Variants in SLC12A1 observed in about 807,000 individuals in gnomAD.
SLC12A1 encodes Na-K-2Cl cotransporter.
In SLC12A1, 89 loss-of-function variants were observed where a neutral mutation model predicts 130.4. The observed-to-expected ratio is 0.68, with a 90% CI of 0.58 to 0.81. The LOEUF is 0.81. SLC12A1 is among the 40% of genes least tolerant of loss of function. The pLI, the probability that SLC12A1 is intolerant of heterozygous loss-of-function variation, is 0.00. For missense variants in SLC12A1, 1,310 were observed against 1,336.4 expected, an observed-to-expected ratio of 0.98 and a Z score of 0.31; for synonymous variants, 499 against 460.0, an observed-to-expected ratio of 1.08 and a Z score of -1.09.
At chr15:48,245,829 G>C (rs141406599) in intron 11 of SLC12A1, among the ~76,000 whole-genome samples, 1 of 152,160 alleles carries the variant, frequency 6.6e-6, no homozygotes, top group Non-Finnish European at 1.5e-5. Flanking sequence ...TTTTAAGTTC[G>C]TTGAGAAATC....
At chr15:48,290,871 A>C (rs547227779) in intron 23 of SLC12A1, among the ~76,000 whole-genome samples, 1 of 152,282 alleles carries the variant, frequency 6.6e-6, no homozygotes, top group South Asian at 2.1e-4. Flanking sequence ...CCAATATTTT[A>C]TTGGGACAAT....
intron 15 of SLC12A1, among the ~76,000 whole-genome samples, chr15:48,255,585 A>G (rs2141070476): frequency 6.6e-6 from 1 of 152,344 alleles, no homozygotes; most frequent in East Asian, 1.9e-4. Flanking sequence ...GTACAGTCTG[A>G]TCCTTTGCTG....
At chr15:48,234,356 C>G (rs903685188) in intron 8 of SLC12A1, among the ~76,000 whole-genome samples, 9 of 152,158 alleles carry the variant, frequency 5.9e-5, no homozygotes, top group African/African-American at 1.9e-4. Context: ...TCATAGAGAT[C>G]TAAAACCTTA....
chr15:48,263,644 AG>A (rs2041799494), intron 17 of SLC12A1, among the ~76,000 whole-genome samples: 1 of 151,656 alleles, frequency 6.6e-6, no homozygotes, highest in Non-Finnish European at 1.5e-5. Flanking sequence ...GCCTAAAAAA[AG>A]AAAAAAAATT....
rs1471474490 is a variant in SLC12A1 at position 48,247,330 on chromosome 15, C to G, written c.1561-7C>G. On this transcript the variant is annotated splice_region_variant and splice_polypyrimidine_tract_variant and intron_variant, in intron 12 of 26. Transcript: ENST00000380993. ...AATGACAAATTTCTTCTCTTCTTTT[C>G]CATTAGGCTCTGTGCAAGGACAACA... 1.4e-5 allele frequency: 23 copies of G among 1,601,070 alleles called. No homozygotes were observed. Among genetic ancestry groups the G allele is most frequent in the Non-Finnish European group, 1.9e-5 (22 of 1,177,170 alleles).
chr15:48,234,206 T>C (rs1036313043), intron 8 of SLC12A1, among the ~76,000 whole-genome samples: 7 of 152,134 alleles, frequency 4.6e-5, no homozygotes, highest in Non-Finnish European at 7.4e-5. Flanking sequence ...TGTGTGTGAA[T>C]GTGTGTGGTG....
rs759295623 is a variant in SLC12A1, at chr15:48,247,032, C to T, written c.1560+16C>T. On this transcript the variant is annotated intron_variant, in intron 12 of 26. Transcript: ENST00000380993. ...AGTGTTCCAGGTAATACAAGCACAA[C>T]AGCTTGTGCTTCTCCCTATTGCTAT... 7.2e-6 allele frequency: 11 copies of T among 1,529,952 alleles called. No homozygotes were observed. The African/African-American group carries it at 9.5e-5, about 13-fold the overall frequency. 94.8% of individuals were successfully genotyped at this position (1,529,952 alleles called of 1,614,324 possible). A position where few individuals can be genotyped will look rare whatever the true frequency, so the allele number is the denominator to read the frequency against.
In SLC12A1 at chr15:48,207,672, T is replaced by C; in HGVS notation, c.-48T>C. The C allele has an allele frequency of 6.9e-7, 1 of 1,451,326 alleles. No homozygotes were observed. Among genetic ancestry groups the C allele is most frequent in the Non-Finnish European group, 9.1e-7 (1 of 1,093,978 alleles). The allele number at this position is 1,451,326 out of a possible 1,614,324, so 89.9% of individuals were successfully genotyped here. ...TTGATGAAGAAATATATAGATTTTT[T>C]AAAACAACCACAAAGTAGATAGCTC... is the stretch of plus-strand genomic sequence containing the variant. On this transcript the variant is annotated 5_prime_UTR_variant, in exon 2 of 27. Transcript: ENST00000380993.
chr15:48,228,956 G>T, intron 5 of SLC12A1: 1 of 378,196 alleles, frequency 2.6e-6, no homozygotes, highest in Non-Finnish European at 4.7e-6. Context: ...TTACATTTAT[G>T]TTTTAATAGA....
chr15:48,253,789 G>C (rs1270876806), intron 15 of SLC12A1, among the ~76,000 whole-genome samples: 1 of 152,198 alleles, frequency 6.6e-6, no homozygotes, highest in Non-Finnish European at 1.5e-5. Flanking sequence ...CCATGAATGA[G>C]AGTCCTAGAT....
At chr15:48,301,675 C>T (rs981030292) in intron 26 of SLC12A1, among the ~76,000 whole-genome samples, 3 of 152,000 alleles carry the variant, frequency 2.0e-5, no homozygotes, top group African/African-American at 7.2e-5. Flanking sequence ...GAATCTGAGA[C>T]CCTGGATTTC....
chr15:48,260,072 A>T (rs375191042), intron 17 of SLC12A1, among the ~76,000 whole-genome samples: 220 of 152,182 alleles, frequency 1.4e-3, no homozygotes, highest in African/African-American at 4.8e-3. Context: ...GTTCGAGACC[A>T]TGACGATCAT....
chr15:48,232,808 A>C lies in SLC12A1; in HGVS notation c.1057A>C (p.Lys353Gln). 6.2e-7 allele frequency: 1 copy of C among 1,611,788 alleles called. No individual in the cohort carries two copies. Among genetic ancestry groups the C allele is most frequent in the East Asian group, 2.2e-5 (1 of 44,876 alleles). The change falls in exon 8 of 27, where the codon AAA becomes CAA. Residue 353 changes from lysine (K) to glutamine (Q), a missense_variant. By Grantham distance (53) the Lys-to-Gln change is moderately conservative. Transcript: ENST00000380993. ...AACTGTCATTCCATCCAACAATGAG[A>C]AAAAGTCCAGAGGTTTCTTTAATTA... ...IGTVIPSNNE[K>Q]KSRGFFNYQA...
Position 48,220,645 on chromosome 15 carries a change from C to A in SLC12A1, c.432C>A (p.Val144=). ...TCTATAAAATGCAGAATGTGGCAGT[C>A]ACCCCAAGTTCAGCTGACAGAGTTG... ...IHEQLAKNVA[V]TPSSADRVAN... Residue 144 remains valine (V), a synonymous_variant, in exon 3 of 27, where the codon GTC becomes GTA. Coordinates refer to ENST00000380993, the MANE Select transcript of SLC12A1 (RefSeq NM_000338.3). 1 of 1,613,066 alleles carries A rather than the reference C, an allele frequency of 6.2e-7. No homozygotes were observed. The highest frequency in any genetic ancestry group is 1.1e-5 in the South Asian group (1 of 90,820).
chr15:48,303,634 A>G lies in SLC12A1; in HGVS notation c.*749A>G, dbSNP rs1039773148. ...ATGAAATATATTCTATTCTCAATAT[A>G]TAAACTTTAATTGTACTCCCTATCA... On this transcript the variant is annotated 3_prime_UTR_variant, in exon 27 of 27. Transcript: ENST00000380993. The G allele has an allele frequency of 6.6e-6, 1 of 152,246 alleles. No individual in the cohort carries two copies. Among genetic ancestry groups the G allele is most frequent in the Non-Finnish European group, 1.5e-5 (1 of 68,044 alleles). The allele number at this position is 152,246 out of a possible 1,614,324, so 9.4% of individuals were successfully genotyped here. A position where few individuals can be genotyped will look rare whatever the true frequency, so the allele number is the denominator to read the frequency against.
chr15:48,280,538 G>C (rs946905933), intron 20 of SLC12A1, among the ~76,000 whole-genome samples: 1 of 152,008 alleles, frequency 6.6e-6, no homozygotes, highest in Non-Finnish European at 1.5e-5. Flanking sequence ...TCCATATCTC[G>C]ATCTCTATCT....
Position 48,250,676 on chromosome 15 carries a change from T to TCACACA in SLC12A1, c.1787-913_1787-908dup, listed in dbSNP as rs56705329. On this transcript the variant is annotated intron_variant, in intron 14 of 26. Transcript: ENST00000380993. ...TACACAAACCCAGAAAATGTCTGCC[T>TCACACA]CACACACACACACACACACACACAC... Among the ~76,000 whole-genome samples the TCACACA allele has an allele frequency of 1.7e-3, 243 of 146,030 alleles. 2 individuals are homozygous for TCACACA. The highest frequency in any genetic ancestry group is 6.2e-3 in the African/African-American group (237 of 38,026).
intron 2 of SLC12A1, among the ~76,000 whole-genome samples, chr15:48,210,878 A>T (rs2041044884): frequency 6.6e-6 from 1 of 152,018 alleles, no homozygotes. Context: ...AAAAAAAGAA[A>T]CAGAAAGCCA....
rs1185409656 is a variant in SLC12A1 at position 48,226,486 on chromosome 15, T to C, written c.639T>C (p.Val213=). Residue 213 remains valine, a synonymous_variant, in exon 5 of 27, where the codon GTT becomes GTC. Coordinates refer to ENST00000380993, the MANE Select transcript of SLC12A1 (RefSeq NM_000338.3). ...IVGEAGIGLG[V]LIILLSTMVT... ...TTTCATTGCTAACAGGTCTTGGAGT[T>C]CTCATAATTCTTCTTTCCACCATGG... is the stretch of plus-strand genomic sequence containing the variant. The C allele has an allele frequency of 6.3e-7, 1 of 1,587,310 alleles. No homozygotes were observed. Among genetic ancestry groups the C allele is most frequent in the East Asian group, 2.3e-5 (1 of 44,390 alleles).
Sources: allele counts gnomAD v4.1 joint callset (sites outside exome capture counted in the v4.1 genomes callset), GRCh38; gene constraint gnomAD v4.1.1; transcripts MANE v1.5; gene names NCBI Gene and HGNC (gene_info 2026-07-23, HGNC 2026-07-21).